PDZRN4: variants seen among roughly 807,000 people sequenced by gnomAD.
The protein encoded by PDZRN4 is PDZ domain containing ring finger 4, also known as PDZ domain-containing RING finger protein 4.
In PDZRN4, 70 loss-of-function variants were observed where a neutral mutation model predicts 99.0. The observed-to-expected ratio is 0.71, with a 90% CI of 0.58 to 0.86. The LOEUF (loss-of-function observed/expected upper bound fraction) is 0.86, where lower values mean the gene tolerates loss of function less well. Among genes scored for constraint, PDZRN4 ranks in the 40% least tolerant of loss-of-function variants. The probability of loss-of-function intolerance (pLI) is 0.00; values close to 1 mark genes in which losing one functional copy is unlikely to be tolerated. For synonymous variants in PDZRN4, 551 were observed against 501.6 expected (o/e 1.10, Z -1.32); for missense variants, 1,474 against 1,331.2 (o/e 1.11, Z -1.67).
At chr12:41,299,592 C>T (rs1254303456) in intron 3 of PDZRN4, among the ~76,000 whole-genome samples, 1 of 151,838 alleles carries the variant, frequency 6.6e-6, no homozygotes, top group Non-Finnish European at 1.5e-5. Flanking sequence ...ATTGCTATTC[C>T]CTTTTATCTG....
chr12:41,190,087 C>A (rs1004450383), intron 1 of PDZRN4, among the ~76,000 whole-genome samples: 6 of 152,172 alleles, frequency 3.9e-5, no homozygotes, highest in African/African-American at 1.4e-4. Flanking sequence ...GCAGAATTTG[C>A]GCACCATTCA....
At chr12:41,527,548 G>A (rs1326494957) in intron 5 of PDZRN4, among the ~76,000 whole-genome samples, 1 of 152,008 alleles carries the variant, frequency 6.6e-6, no homozygotes, top group African/African-American at 2.4e-5. Flanking sequence ...AATAGAAGAG[G>A]ATTGAGTCAA....
Position 41,507,574 on chromosome 12 carries a change from A to G in PDZRN4, c.1100+862A>G, listed in dbSNP as rs565485051. Reference sequence around the variant, plus strand: ...TCCCATAAGCCCGTTTCAGTGGGTCACAGATGTACAATAGAATCACCTGGG... The same window carrying G: ...TCCCATAAGCCCGTTTCAGTGGGTCGCAGATGTACAATAGAATCACCTGGG... On this transcript the variant is annotated intron_variant, in intron 4 of 9. Transcript: ENST00000402685. Among the ~76,000 whole-genome samples the G allele has an allele frequency of 2.0e-5, 3 of 152,234 alleles. No homozygotes were observed. The South Asian group carries it at 6.2e-4, about 32-fold the overall frequency.
chr12:41,353,503 T>C (rs962014516), intron 3 of PDZRN4, among the ~76,000 whole-genome samples: 1 of 152,072 alleles, frequency 6.6e-6, no homozygotes, highest in Non-Finnish European at 1.5e-5. Context: ...AGATGACTTG[T>C]CTGGGAACTT....
intron 3 of PDZRN4, among the ~76,000 whole-genome samples, chr12:41,351,794 T>G (rs1315228939): frequency 6.6e-6 from 1 of 151,926 alleles, no homozygotes; most frequent in Non-Finnish European, 1.5e-5. Context: ...GACAATAATT[T>G]GGAGAACACT....
chr12:41,230,589 A>T (rs976540502), intron 3 of PDZRN4, among the ~76,000 whole-genome samples: 1 of 152,102 alleles, frequency 6.6e-6, no homozygotes, highest in African/African-American at 2.4e-5. Context: ...ATCTGTTAGA[A>T]ATAAGGATGG....
At chr12:41,464,697 C>T (rs1312461158) in intron 3 of PDZRN4, among the ~76,000 whole-genome samples, 1 of 151,960 alleles carries the variant, frequency 6.6e-6, no homozygotes, top group Admixed American at 6.6e-5. Flanking sequence ...AGTCATCACT[C>T]TTAGAAAAAG....
At chr12:41,436,657 T>C (rs1322277698) in intron 3 of PDZRN4, among the ~76,000 whole-genome samples, 1 of 152,172 alleles carries the variant, frequency 6.6e-6, no homozygotes. Flanking sequence ...GGAATTTTCT[T>C]TTATTATCTG....
At chr12:41,228,814 A>G (rs75726947) in intron 3 of PDZRN4, among the ~76,000 whole-genome samples, 2 of 152,256 alleles carry the variant, frequency 1.3e-5, no homozygotes, top group East Asian at 3.9e-4. Context: ...AATAGTATAT[A>G]CAATGAACTG....
intron 5 of PDZRN4, among the ~76,000 whole-genome samples, chr12:41,536,242 T>G (rs1229949671): frequency 1.3e-5 from 2 of 152,184 alleles, no homozygotes; most frequent in African/African-American, 4.8e-5. Context: ...GACAATGGAA[T>G]ATCATTCAGT....
At chr12:41,483,615 A>G (rs946015383) in intron 3 of PDZRN4, among the ~76,000 whole-genome samples, 2 of 152,104 alleles carry the variant, frequency 1.3e-5, no homozygotes, top group Non-Finnish European at 2.9e-5. Flanking sequence ...GCTTCTTTTA[A>G]TGATCTTCCC....
At chr12:41,303,288 AT>A (rs1313565972) in intron 3 of PDZRN4, among the ~76,000 whole-genome samples, 1 of 152,104 alleles carries the variant, frequency 6.6e-6, no homozygotes, top group African/African-American at 2.4e-5. Flanking sequence ...TACAAAGGAG[AT>A]TTTTAGAGAA....
intron 3 of PDZRN4, among the ~76,000 whole-genome samples, chr12:41,292,188 CAGA>C (rs1951460694): frequency 6.6e-6 from 1 of 152,118 alleles, no homozygotes; most frequent in Non-Finnish European, 1.5e-5. Flanking sequence ...TTGCAGTGAA[CAGA>C]AGGACTGAGG....
chr12:41,272,848 C>T (rs1258387072), intron 3 of PDZRN4, among the ~76,000 whole-genome samples: 3 of 151,846 alleles, frequency 2.0e-5, no homozygotes, highest in Admixed American at 2.0e-4. Flanking sequence ...TTAGAGTGAC[C>T]ATGGGATGAG....
chr12:41,510,280 A>G (rs776995617), intron 5 of PDZRN4, among the ~76,000 whole-genome samples: 45 of 152,040 alleles, frequency 3.0e-4, no homozygotes, highest in Non-Finnish European at 4.9e-4. Context: ...TAATATTCTA[A>G]TTTTCATTGA....
At chr12:41,445,021 T>C (rs548254785) in intron 3 of PDZRN4, among the ~76,000 whole-genome samples, 8 of 151,984 alleles carry the variant, frequency 5.3e-5, no homozygotes, top group Admixed American at 2.6e-4. Flanking sequence ...GATCAAAATA[T>C]CATATATTTT....
intron 3 of PDZRN4, among the ~76,000 whole-genome samples, chr12:41,440,000 GT>G (rs1316955384): frequency 6.6e-6 from 1 of 152,116 alleles, no homozygotes; most frequent in Non-Finnish European, 1.5e-5. Flanking sequence ...CTGCAAACTA[GT>G]TTCTATTTTT....
intron 5 of PDZRN4, among the ~76,000 whole-genome samples, chr12:41,536,759 A>T (rs1938754961): frequency 6.9e-6 from 1 of 144,486 alleles, no homozygotes; most frequent in Non-Finnish European, 1.5e-5. Context: ...TCTATTGAAA[A>T]GTAAAAAAAA....
chr12:41,396,372 C>A (rs1471074581), intron 3 of PDZRN4, among the ~76,000 whole-genome samples: 2 of 152,058 alleles, frequency 1.3e-5, no homozygotes, highest in East Asian at 3.9e-4. Context: ...GATTCAAAAG[C>A]TACTACTGCA....
Sources: gnomAD v4.1 joint callset for allele counts (sites outside exome capture counted in the v4.1 genomes callset) on GRCh38, gnomAD v4.1.1 for gene constraint, MANE v1.5 for transcripts, NCBI Gene and HGNC (gene_info 2026-07-23, HGNC 2026-07-21) for gene names.